Variants in RARB observed in about 807,000 individuals in gnomAD.
RARB encodes retinoic acid receptor beta.
A neutral mutation model predicts 51.9 loss-of-function variants in RARB; 17 were observed. That is an observed-to-expected ratio of 0.33 (90% CI 0.22 to 0.49). The LOEUF (loss-of-function observed/expected upper bound fraction) is 0.49, where lower values mean the gene tolerates loss of function less well. RARB is among the 20% of genes least tolerant of loss of function. RARB has a pLI of 0.99. For missense variants in RARB, 369 were observed against 550.8 expected (o/e 0.67, Z 3.30); for synonymous variants, 215 against 195.4 (o/e 1.10, Z -0.84).
intron 2 of RARB, among the ~76,000 whole-genome samples, chr3:25,012,048 A>C (rs942802360): frequency 1.3e-5 from 2 of 152,104 alleles, no homozygotes; most frequent in Non-Finnish European, 2.9e-5. Context: ...AAGTACTTTT[A>C]ATTCAACATA....
At chr3:25,413,310 T>C (rs1221372419) in intron 5 of RARB, among the ~76,000 whole-genome samples, 2 of 152,218 alleles carry the variant, frequency 1.3e-5, no homozygotes, top group African/African-American at 4.8e-5. Context: ...GGTTCAAGTT[T>C]GTTTGTTCTC....
chr3:25,428,813 C>T lies in RARB; in HGVS notation c.82C>T (p.Leu28Phe). The change falls in exon 1 of 8, where the codon CTC (leucine) becomes TTC (phenylalanine). Residue 28 changes from leucine to phenylalanine, a missense_variant. Physicochemically the swap from Leu to Phe is conservative, Grantham distance 22 (BLOSUM62 0). Around this residue, in one of 9 missense-constraint regions of RARB, gnomAD observed 99 missense variants for 95.1 expected, o/e 1.04. Coordinates refer to ENST00000330688, the MANE Select transcript of RARB (RefSeq NM_000965.5). ...CACTGCGAGTCCGTCTTCCTGCATG[C>T]TCCAGGAGAAAGCTCTCAAAGCATG... ...FYTASPSSCM[L>F]QEKALKACFS... 5.0e-6 allele frequency: 8 copies of T among 1,614,154 alleles called. No individual in the cohort carries two copies. The highest frequency in any genetic ancestry group is 5.9e-6 in the Non-Finnish European group (7 of 1,180,030).
intron 5 of RARB, among the ~76,000 whole-genome samples, chr3:25,216,470 C>A (rs1215901872): frequency 6.6e-6 from 1 of 151,892 alleles, no homozygotes; most frequent in Non-Finnish European, 1.5e-5. Flanking sequence ...TCATCCTCAG[C>A]AAACTAACAC....
rs1046808415 is a variant in RARB, at chr3:25,145,490, T to C, written c.-280+13282T>C. 3.4e-5 allele frequency among the ~76,000 whole-genome samples: 4 copies of C among 116,048 alleles called. No individual in the cohort carries two copies. In the East Asian group the frequency reaches 8.2e-4, roughly 24 times the overall value. 76.1% of individuals were successfully genotyped at this position (116,048 alleles called of 152,430 possible). ...CTTATAGAGTTACTCATATTGAAAATTGTAAATTTCAAAAAAAAGAAAAAG... is the reference window on the plus strand; with the variant it reads ...CTTATAGAGTTACTCATATTGAAAACTGTAAATTTCAAAAAAAAGAAAAAG... On this transcript the variant is annotated intron_variant, in intron 4 of 11. Transcript: ENST00000383772.
intron 5 of RARB, among the ~76,000 whole-genome samples, chr3:25,405,261 G>A (rs915116470): frequency 2.6e-5 from 4 of 152,200 alleles, no homozygotes; most frequent in African/African-American, 9.7e-5. Context: ...GCTCATGGCT[G>A]TAATCCCAGC....
chr3:25,578,867 A>G (rs1701055837), intron 4 of RARB, among the ~76,000 whole-genome samples: 1 of 152,270 alleles, frequency 6.6e-6, no homozygotes, highest in Non-Finnish European at 1.5e-5. Flanking sequence ...GTGGGGAACT[A>G]AAGATATCAG....
chr3:25,018,691 A>AT (rs1697565995), intron 2 of RARB, among the ~76,000 whole-genome samples: 1 of 152,182 alleles, frequency 6.6e-6, no homozygotes, highest in Non-Finnish European at 1.5e-5. Context: ...AAGTGAGAAA[A>AT]TTTGGAAAAC....
At chr3:24,852,634 G>A (rs1437235777) in intron 1 of RARB, among the ~76,000 whole-genome samples, 1 of 152,144 alleles carries the variant, frequency 6.6e-6, no homozygotes, top group African/African-American at 2.4e-5. Flanking sequence ...TAAACAAATT[G>A]TGATATATCT....
intron 2 of RARB, among the ~76,000 whole-genome samples, chr3:24,894,423 TA>T (rs1244453913): frequency 1.2e-4 from 18 of 152,138 alleles, no homozygotes; most frequent in African/African-American, 3.6e-4. Context: ...GCTTCATCCA[TA>T]TTGCTACAAA....
intron 3 of RARB, among the ~76,000 whole-genome samples, chr3:25,501,751 A>T (rs1697325916): frequency 1.3e-5 from 2 of 152,208 alleles, no homozygotes; most frequent in Admixed American, 1.3e-4. Flanking sequence ...GGAGGGAAGG[A>T]TTGTATAACT....
chr3:25,580,374 A>G (rs1239974987), intron 4 of RARB, among the ~76,000 whole-genome samples, 172 bp from the exon 5 acceptor site: 1 of 152,222 alleles, frequency 6.6e-6, no homozygotes, highest in Non-Finnish European at 1.5e-5. Flanking sequence ...ACTCCGTCTC[A>G]CACACACAAA....
At chr3:25,270,531 C>T (rs1182584954) in intron 5 of RARB, among the ~76,000 whole-genome samples, 2 of 152,008 alleles carry the variant, frequency 1.3e-5, no homozygotes, top group East Asian at 1.9e-4. Flanking sequence ...CTGTCACATT[C>T]GAAGCAAATG....
At chr3:25,014,049 G>T (rs544972671) in intron 2 of RARB, among the ~76,000 whole-genome samples, 1 of 152,166 alleles carries the variant, frequency 6.6e-6, no homozygotes, top group East Asian at 1.9e-4. Context: ...CATGTGACAA[G>T]ATGAGAGCCA....
At chr3:25,557,725 A>G (rs1365030304) in intron 3 of RARB, among the ~76,000 whole-genome samples, 1 of 151,940 alleles carries the variant, frequency 6.6e-6, no homozygotes, top group Non-Finnish European at 1.5e-5. Flanking sequence ...ACCCCTAATC[A>G]TTTCTTCACC....
intron 5 of RARB, among the ~76,000 whole-genome samples, chr3:25,396,690 T>C (rs1199170229): frequency 6.6e-6 from 1 of 152,066 alleles, no homozygotes; most frequent in African/African-American, 2.4e-5. Flanking sequence ...GCTCAGACTC[T>C]CTTTGGGTGG....
intron 3 of RARB, among the ~76,000 whole-genome samples, chr3:25,099,636 C>G (rs1238911459): frequency 8.3e-6 from 1 of 120,072 alleles, no homozygotes; most frequent in Non-Finnish European, 1.8e-5. Context: ...AAAAAAAAAA[C>G]TTTCATTATG....
At chr3:25,262,174 A>T (rs534087693) in intron 5 of RARB, among the ~76,000 whole-genome samples, 1 of 152,122 alleles carries the variant, frequency 6.6e-6, no homozygotes, top group African/African-American at 2.4e-5. Flanking sequence ...TGTTCACTGG[A>T]CCAGATCAAT....
intron 2 of RARB, among the ~76,000 whole-genome samples, chr3:24,959,375 ATTC>A (rs1439835236): frequency 6.6e-6 from 1 of 152,122 alleles, no homozygotes; most frequent in Non-Finnish European, 1.5e-5. Flanking sequence ...GCAGGAAGGT[ATTC>A]TTCTCCTGAA....
chr3:24,976,316 C>T (rs142590644), intron 2 of RARB, among the ~76,000 whole-genome samples: 1 of 152,138 alleles, frequency 6.6e-6, no homozygotes, highest in Non-Finnish European at 1.5e-5. Flanking sequence ...AATGATATTA[C>T]TAGTTCTAGA....
Sources: allele counts gnomAD v4.1 joint callset (sites outside exome capture counted in the v4.1 genomes callset), GRCh38; gene constraint gnomAD v4.1.1; regional missense constraint gnomAD v4.1.1; transcripts MANE v1.5; gene names NCBI Gene and HGNC (gene_info 2026-07-23, HGNC 2026-07-21).